Variants in TMEM154 observed in about 807,000 individuals in gnomAD.
TMEM154 encodes transmembrane protein 154.
In TMEM154, 27 loss-of-function variants were observed where a neutral mutation model predicts 24.5. That is an observed-to-expected ratio of 1.10 (90% CI 0.81 to 1.52). TMEM154 has a LOEUF of 1.52. TMEM154 is among the 40% of genes most tolerant of loss of function. TMEM154 has a pLI of 0.00. For synonymous variants in TMEM154, 67 were observed against 76.8 expected (o/e 0.87, Z 0.67); for missense variants, 228 against 213.4 (o/e 1.07, Z -0.43).
Position 152,652,759 on chromosome 4 carries a change from A to C in TMEM154, c.233T>G (p.Leu78Arg). 1.9e-6 allele frequency: 3 copies of C among 1,614,084 alleles called. No individual in the cohort carries two copies. The highest frequency in any genetic ancestry group is 1.3e-5 in the African/African-American group (1 of 75,066). ...APDENQLEFI[L>R]MVLIPLILLV... ...TAAAATCAATGGGATTAACACCATC[A>C]GTATAAACTCTAACTGATTTTCATC... Residue 78 changes from leucine to arginine, a missense_variant, in exon 2 of 7, where the codon CTG (leucine) becomes CGG (arginine). Leu to Arg is a moderately radical substitution (Grantham distance 102). Transcript: ENST00000304385.
At chr4:152,634,031 CAA>C (rs1167923301) in intron 6 of TMEM154, among the ~76,000 whole-genome samples, 3 of 20,410 alleles carry the variant, frequency 1.5e-4, no homozygotes, top group African/African-American at 4.8e-4. Context: ...GACCCCATCT[CAA>C]AAAAAAAAAA....
intron 4 of TMEM154, 150 bp from the exon 5 acceptor site, chr4:152,643,323 A>C (rs1041716597): frequency 1.8e-5 from 11 of 606,500 alleles, no homozygotes; most frequent in Admixed American, 3.4e-5. Flanking sequence ...CCCTATTCCA[A>C]ACTACCAAAC....
Position 152,626,932 on chromosome 4 carries a change from A to G in TMEM154, c.*1614T>C, listed in dbSNP as rs972136249. On this transcript the variant is annotated 3_prime_UTR_variant, in exon 7 of 7. Transcript: ENST00000304385. ...TGAGTTGAAAAGGAACATGCAAGAG[A>G]GCAAGGAAAACACAAAGCCTCATTC... 3 of 152,242 alleles carry G rather than the reference A, an allele frequency of 2.0e-5. No individual in the cohort carries two copies. Among genetic ancestry groups the G allele is most frequent in the African/African-American group, 7.2e-5 (3 of 41,468 alleles). The allele number at this position is 152,242 out of a possible 1,614,324, so 9.4% of individuals were successfully genotyped here.
At chr4:152,646,906 G>C in intron 3 of TMEM154, 2 of 701,918 alleles carry the variant, frequency 2.8e-6, no homozygotes, top group Admixed American at 2.0e-5. Context: ...CCTGTTTAAA[G>C]GGGTAGTTTA....
chr4:152,654,010 G>A (rs535341426), intron 1 of TMEM154, among the ~76,000 whole-genome samples: 4 of 150,912 alleles, frequency 2.7e-5, no homozygotes, highest in East Asian at 2.0e-4. Flanking sequence ...TTGCACTTCA[G>A]CCTAGGCAAC....
rs576806624 is a variant in TMEM154 at position 152,626,050 on chromosome 4, T to C, written c.*2496A>G. The C allele has an allele frequency of 1.0e-3, 152 of 152,642 alleles. No homozygotes were observed. The highest frequency in any genetic ancestry group is 1.8e-3 in the Non-Finnish European group (122 of 68,028). The allele number at this position is 152,642 out of a possible 1,614,324, so 9.5% of individuals were successfully genotyped here. On this transcript the variant is annotated 3_prime_UTR_variant, in exon 7 of 7. Transcript: ENST00000304385. ...ATCAAGGTGGATCCAGGCTGTGGTC[T>C]TGCATTGGGTAACAAAGCCCTTCCC...
At chr4:152,649,260 AC>A (rs1305628114) in intron 3 of TMEM154, among the ~76,000 whole-genome samples, 1 of 152,206 alleles carries the variant, frequency 6.6e-6, no homozygotes, top group East Asian at 1.9e-4. Context: ...CCTTTGAGTA[AC>A]TTTTTGGAAA....
chr4:152,655,240 T>C (rs1728466885), intron 1 of TMEM154, among the ~76,000 whole-genome samples: 1 of 152,226 alleles, frequency 6.6e-6, no homozygotes, highest in South Asian at 2.1e-4. Context: ...TAAGGCATCC[T>C]TCTTGGCTGA....
At chr4:152,663,695 T>C (rs1728661420) in intron 1 of TMEM154, among the ~76,000 whole-genome samples, 1 of 152,260 alleles carries the variant, frequency 6.6e-6, no homozygotes, top group South Asian at 2.1e-4. Flanking sequence ...TAATGTAGCA[T>C]TTTAAAGAGA....
chr4:152,677,768 G>GT (rs1251593298), intron 1 of TMEM154, among the ~76,000 whole-genome samples: 9 of 151,936 alleles, frequency 5.9e-5, no homozygotes, highest in Non-Finnish European at 5.9e-5. Context: ...GGAGCTATCA[G>GT]TTTTTTTTGT....
chr4:152,641,526 C>G (rs868723386), intron 5 of TMEM154: 1 of 152,238 alleles, frequency 6.6e-6, no homozygotes, highest in Non-Finnish European at 1.5e-5. Context: ...AATAGAAATG[C>G]CTTTTCCAGT....
chr4:152,665,706 C>T (rs1412666141), intron 1 of TMEM154, among the ~76,000 whole-genome samples: 1 of 152,028 alleles, frequency 6.6e-6, no homozygotes, highest in Non-Finnish European at 1.5e-5. Flanking sequence ...GAAACACCTA[C>T]AGCCCTTCTT....
intron 4 of TMEM154, 126 bp downstream of exon 4, chr4:152,644,289 A>G: frequency 9.4e-7 from 1 of 1,067,362 alleles, no homozygotes; most frequent in Non-Finnish European, 1.4e-6. Context: ...AAGGATCTCC[A>G]ACCCCGCCTG....
intron 1 of TMEM154, among the ~76,000 whole-genome samples, chr4:152,679,079 C>T (rs1438939482): frequency 6.6e-6 from 1 of 152,214 alleles, no homozygotes; most frequent in Non-Finnish European, 1.5e-5. Context: ...GGCAAGTCAA[C>T]AAGAGAGGCA....
intron 6 of TMEM154, among the ~76,000 whole-genome samples, chr4:152,633,121 C>T (rs976404987): frequency 4.6e-5 from 7 of 152,026 alleles, no homozygotes; most frequent in African/African-American, 1.7e-4. Flanking sequence ...TAAGGAGAAG[C>T]ATTTTGAAGG....
rs554614210 is a variant in TMEM154, at chr4:152,645,387, A to G, written c.365-945T>C. Among the ~76,000 whole-genome samples the G allele has an allele frequency of 1.1e-4, 17 of 152,326 alleles. No homozygotes were observed. In the South Asian group the frequency reaches 3.5e-3, roughly 32 times the overall value. ...TTTAGTTCCTGTTGGTTGAGGTGAG[A>G]GTCAGGTAACTGTTTACAAAATGGC... On this transcript the variant is annotated intron_variant, in intron 3 of 6. Transcript: ENST00000304385.
chr4:152,645,123 ATT>A (rs5863015), intron 3 of TMEM154, among the ~76,000 whole-genome samples: 2 of 151,074 alleles, frequency 1.3e-5, no homozygotes, highest in African/African-American at 4.9e-5. Context: ...CGTCTGTTTG[ATT>A]TTTTTTTTTC....
chr4:152,675,925 C>T (rs1417842223), intron 1 of TMEM154, among the ~76,000 whole-genome samples: 1 of 152,196 alleles, frequency 6.6e-6, no homozygotes, highest in Admixed American at 6.5e-5. Flanking sequence ...CACAGAAGGA[C>T]TTTAAAGCTC....
chr4:152,633,660 TAGAC>T (rs1167216916), intron 6 of TMEM154, among the ~76,000 whole-genome samples: 1 of 152,140 alleles, frequency 6.6e-6, no homozygotes, highest in East Asian at 1.9e-4. Flanking sequence ...CTAGGAATGT[TAGAC>T]AGATATTTTA....
Sources: allele counts gnomAD v4.1 joint callset (sites outside exome capture counted in the v4.1 genomes callset), GRCh38; gene constraint gnomAD v4.1.1; transcripts MANE v1.5; gene names NCBI Gene and HGNC (gene_info 2026-07-23, HGNC 2026-07-21).